The following DYM variants were observed in gnomAD, a reference collection of about 807,000 sequenced individuals.
The protein encoded by DYM is dymeclin.
Under a neutral mutation model 93.1 loss-of-function variants are expected in DYM, and 78 were observed. The ratio of observed to expected loss-of-function variants is 0.84; its 90% CI spans 0.70 to 1.01. The LOEUF is 1.01. DYM is among the 50% of genes least tolerant of loss of function. The pLI, the probability that DYM is intolerant of heterozygous loss-of-function variation, is 0.00. For synonymous variants in DYM, 321 were observed against 319.7 expected, an observed-to-expected ratio of 1.00 and a Z score of -0.04; for missense variants, 789 against 845.0, an observed-to-expected ratio of 0.93 and a Z score of 0.82.
chr18:49,330,400 T>G (rs1416095597), intron 8 of DYM, among the ~76,000 whole-genome samples: 1 of 152,046 alleles, frequency 6.6e-6, no homozygotes, highest in African/African-American at 2.4e-5. Flanking sequence ...GCTAGGAAAA[T>G]TAAGGGGCTT....
intron 5 of DYM, among the ~76,000 whole-genome samples, chr18:49,366,131 G>T (rs2066498977): frequency 6.6e-6 from 1 of 152,022 alleles, no homozygotes; most frequent in Admixed American, 6.5e-5. Flanking sequence ...AGCTAATCTA[G>T]AAGTAAATAA....
chr18:49,291,704 A>G (rs2060127444), intron 8 of DYM, among the ~76,000 whole-genome samples: 1 of 152,202 alleles, frequency 6.6e-6, no homozygotes, highest in African/African-American at 2.4e-5. Context: ...TGCTCCCTCC[A>G]TTTCATAAGG....
At chr18:49,056,597 G>C (rs960542597) in intron 17 of DYM, among the ~76,000 whole-genome samples, 6 of 152,108 alleles carry the variant, frequency 3.9e-5, no homozygotes, top group African/African-American at 1.4e-4. Flanking sequence ...GAGTGCATTG[G>C]TGTGATCTCG....
At chr18:49,408,120 A>G (rs1320438213) in intron 2 of DYM, among the ~76,000 whole-genome samples, 1 of 152,082 alleles carries the variant, frequency 6.6e-6, no homozygotes, top group East Asian at 1.9e-4. Context: ...AAAAATTTAA[A>G]TGAATATATC....
chr18:49,080,033 G>A (rs546981107), intron 17 of DYM, among the ~76,000 whole-genome samples: 612 of 149,904 alleles, frequency 4.1e-3, no homozygotes, highest in Non-Finnish European at 6.7e-3. Context: ...TGGGCAGAGG[G>A]GTGCCTCACT....
chr18:49,288,795 A>C (rs2059830294), intron 8 of DYM, among the ~76,000 whole-genome samples: 1 of 152,090 alleles, frequency 6.6e-6, no homozygotes, highest in Non-Finnish European at 1.5e-5. Flanking sequence ...AAAACAAAAA[A>C]CAAAACAAAA....
chr18:49,304,203 A>G (rs1376139084), intron 8 of DYM, among the ~76,000 whole-genome samples: 1 of 152,220 alleles, frequency 6.6e-6, no homozygotes, highest in Non-Finnish European at 1.5e-5. Context: ...TAGTCTGCCA[A>G]CATCCTTCCC....
At position 49,216,324 on chromosome 18, in the gene DYM, G is replaced by C. The variant is rs142912715; in HGVS notation, c.1461-6609C>G. On this transcript the variant is annotated intron_variant, in intron 13 of 17. Coordinates refer to ENST00000675505, the MANE Select transcript of DYM (RefSeq NM_001353214.3). ...TTGTAGGCTCCACCTCTGGGGGCAA[G>C]GCACAGACAAACAAAAAGACAGCAG... 9.3e-4 allele frequency among the ~76,000 whole-genome samples: 142 copies of C among 152,322 alleles called. 2 individuals carry two copies. In the East Asian group the frequency reaches 0.021, roughly 23 times the overall value.
intron 8 of DYM, among the ~76,000 whole-genome samples, chr18:49,329,132 C>T (rs1484385344): frequency 1.3e-5 from 2 of 151,992 alleles, no homozygotes; most frequent in Non-Finnish European, 2.9e-5. Context: ...ATGTCCTTTG[C>T]AGGGACATGG....
At chr18:49,381,867 A>C (rs964273876) in intron 3 of DYM, among the ~76,000 whole-genome samples, 1 of 152,032 alleles carries the variant, frequency 6.6e-6, no homozygotes, top group Non-Finnish European at 1.5e-5. Flanking sequence ...TTAAAGCTTT[A>C]GGGTTAATGA....
intron 1 of DYM, among the ~76,000 whole-genome samples, chr18:49,441,503 C>A (rs1040996178): frequency 6.8e-6 from 1 of 147,778 alleles, no homozygotes; most frequent in African/African-American, 2.5e-5. Context: ...GCCACAGGTG[C>A]CATGAGTCCA....
intron 13 of DYM, among the ~76,000 whole-genome samples, chr18:49,229,948 A>T (rs764423423): frequency 6.6e-6 from 1 of 152,192 alleles, no homozygotes; most frequent in Non-Finnish European, 1.5e-5. Context: ...AATGATACAC[A>T]CAAGAACATG....
intron 6 of DYM, among the ~76,000 whole-genome samples, chr18:49,361,389 C>T (rs1383071215): frequency 6.6e-6 from 1 of 152,196 alleles, no homozygotes; most frequent in Non-Finnish European, 1.5e-5. Flanking sequence ...CCTGTCTTTC[C>T]TTTTGGGGCC....
chr18:49,378,787 C>T, intron 4 of DYM, 87 bp from the exon 5 acceptor site: 1 of 1,432,342 alleles, frequency 7.0e-7, no homozygotes, highest in South Asian at 1.2e-5. Flanking sequence ...CCTGATTTGA[C>T]AACCGTTTTG....
intron 16 of DYM, among the ~76,000 whole-genome samples, chr18:49,100,373 GGGA>G (rs1308848928): frequency 6.6e-6 from 1 of 151,968 alleles, no homozygotes; most frequent in Non-Finnish European, 1.5e-5. Context: ...ACCAACAAAA[GGGA>G]GTGTACTTAT....
intron 8 of DYM, among the ~76,000 whole-genome samples, chr18:49,331,609 G>A (rs186383174): frequency 5.3e-5 from 8 of 152,228 alleles, no homozygotes; most frequent in Non-Finnish European, 1.0e-4. Flanking sequence ...CATGCAATAC[G>A]CATATTTATG....
chr18:49,352,610 T>C (rs1429472359), intron 6 of DYM, among the ~76,000 whole-genome samples: 1 of 152,202 alleles, frequency 6.6e-6, no homozygotes, highest in African/African-American at 2.4e-5. Context: ...TTTCAGTGTG[T>C]GTAACTGTAT....
chr18:49,167,615 G>A (rs540745274), intron 14 of DYM, among the ~76,000 whole-genome samples: 1 of 152,088 alleles, frequency 6.6e-6, no homozygotes, highest in Non-Finnish European at 1.5e-5. Flanking sequence ...AGTGAAAAGA[G>A]TAACTTTTGC....
At chr18:49,269,370 T>C (rs186897861) in intron 11 of DYM, among the ~76,000 whole-genome samples, 16 of 152,274 alleles carry the variant, frequency 1.1e-4, no homozygotes, top group Non-Finnish European at 1.9e-4. Flanking sequence ...GAAATGTAGA[T>C]TGGAGCCACC....
Sources: allele counts gnomAD v4.1 joint callset (sites outside exome capture counted in the v4.1 genomes callset), GRCh38; gene constraint gnomAD v4.1.1; transcripts MANE v1.5; gene names NCBI Gene and HGNC (gene_info 2026-07-23, HGNC 2026-07-21).